The following SLC25A12 variants were observed in gnomAD, a reference collection of about 807,000 sequenced individuals.
The protein encoded by SLC25A12 is solute carrier family 25 member 12, also known as electrogenic aspartate/glutamate antiporter SLC25A12, mitochondrial.
Under a neutral mutation model 83.3 loss-of-function variants are expected in SLC25A12, and 32 were observed. The ratio of observed to expected loss-of-function variants is 0.38; its 90% CI spans 0.29 to 0.52. The LOEUF is 0.52. Ranked by LOEUF, SLC25A12 falls within the 20% of genes least tolerant of loss-of-function variation. The pLI is 0.84. For synonymous variants in SLC25A12, 267 were observed against 291.1 expected (o/e 0.92, Z 0.84); for missense variants, 611 against 835.6 (o/e 0.73, Z 3.31).
intron 4 of SLC25A12, among the ~76,000 whole-genome samples, chr2:171,844,754 CTTTA>C (rs1037035620): frequency 1.1e-4 from 16 of 152,124 alleles, no homozygotes; most frequent in Non-Finnish European, 1.8e-4. Flanking sequence ...CTTAATTTCT[CTTTA>C]TTTAATTTTA....
Position 171,850,707 on chromosome 2 carries a change from C to T in SLC25A12, c.325+5127G>A, listed in dbSNP as rs569338869. ...AACTCCTGACCTCAGGTGATCCTCCCGCCTCGGCCTCCCAAAGTGCTGGGA... is the reference window on the plus strand; with the variant it reads ...AACTCCTGACCTCAGGTGATCCTCCTGCCTCGGCCTCCCAAAGTGCTGGGA... On this transcript the variant is annotated intron_variant, in intron 4 of 17. Coordinates refer to ENST00000422440, the MANE Select transcript of SLC25A12 (RefSeq NM_003705.5). Among the ~76,000 whole-genome samples, 5 of 152,102 alleles carry T rather than the reference C, an allele frequency of 3.3e-5. No individual in the cohort carries two copies. In the East Asian group the frequency reaches 7.8e-4, roughly 24 times the overall value.
At chr2:171,847,915 C>T (rs928713147) in intron 4 of SLC25A12, among the ~76,000 whole-genome samples, 1 of 151,806 alleles carries the variant, frequency 6.6e-6, no homozygotes, top group African/African-American at 2.4e-5. Flanking sequence ...GAGCAGGTAA[C>T]GGTGACAACT....
intron 6 of SLC25A12, among the ~76,000 whole-genome samples, chr2:171,835,564 C>T (rs987330363): frequency 6.6e-6 from 1 of 152,164 alleles, no homozygotes; most frequent in African/African-American, 2.4e-5. Context: ...AGGATGAAGA[C>T]GTAATTTGTT....
chr2:171,793,125 T>C (rs76226280), intron 14 of SLC25A12, among the ~76,000 whole-genome samples: 1 of 147,378 alleles, frequency 6.8e-6, no homozygotes, highest in African/African-American at 2.5e-5. Flanking sequence ...GTTGGTTTGT[T>C]TTTTTTTTTT....
At chr2:171,841,061 C>A (rs1684662238) in intron 5 of SLC25A12, among the ~76,000 whole-genome samples, 1 of 152,032 alleles carries the variant, frequency 6.6e-6, no homozygotes, top group Non-Finnish European at 1.5e-5. Context: ...AATGGTGGAA[C>A]AAGAGGGATT....
At position 171,806,868 on chromosome 2, in the gene SLC25A12, C is replaced by G. The variant is rs910598675; in HGVS notation, c.1305+2738G>C. On this transcript the variant is annotated intron_variant, in intron 13 of 17. Transcript: ENST00000422440. Reference sequence around the variant, plus strand: ...ACCGTACATCGTATCACCACCACTACTCAGGATGATGAAGACTCAGGGTCA... The same window carrying G: ...ACCGTACATCGTATCACCACCACTAGTCAGGATGATGAAGACTCAGGGTCA... 2.0e-5 allele frequency among the ~76,000 whole-genome samples: 3 copies of G among 152,240 alleles called. No homozygotes were observed. The East Asian group carries it at 5.8e-4, about 29-fold the overall frequency.
intron 2 of SLC25A12, among the ~76,000 whole-genome samples, chr2:171,884,336 G>A (rs572464801): frequency 6.0e-5 from 9 of 150,304 alleles, no homozygotes; most frequent in East Asian, 2.0e-4. Flanking sequence ...GATTACAGGC[G>A]CCCGCCACCA....
chr2:171,881,463 GT>G (rs1448761622), intron 2 of SLC25A12, among the ~76,000 whole-genome samples: 12 of 152,100 alleles, frequency 7.9e-5, no homozygotes, highest in Non-Finnish European at 1.8e-4. Context: ...CATATTTTCT[GT>G]GTAAATGTAT....
At position 171,827,302 on chromosome 2, in the gene SLC25A12, C is replaced by CTT. The variant is rs34833030; in HGVS notation, c.846-422_846-421dup. ...GAAAGGAACAAGGGTATGAGGGAGA[C>CTT]TTTTTTTTTTTTTCCAACGATATGT... On this transcript the variant is annotated intron_variant, in intron 8 of 17. Coordinates refer to ENST00000422440, the MANE Select transcript of SLC25A12 (RefSeq NM_003705.5). Among the ~76,000 whole-genome samples, 394 of 147,552 alleles carry CTT rather than the reference C, an allele frequency of 2.7e-3. 2 individuals carry two copies. The highest frequency in any genetic ancestry group is 8.9e-3 in the African/African-American group (356 of 40,178).
intron 10 of SLC25A12, among the ~76,000 whole-genome samples, chr2:171,814,381 C>T (rs768141700): frequency 2.0e-5 from 3 of 151,730 alleles, no homozygotes; most frequent in Non-Finnish European, 4.4e-5. Flanking sequence ...GTTAAGCAAG[C>T]GATAAGGGAA....
Position 171,787,940 on chromosome 2 carries a change from T to C in SLC25A12, c.1593A>G (p.Pro531=). Residue 531 remains proline, a synonymous_variant, in exon 16 of 18, where the codon CCA becomes CCG. Transcript: ENST00000422440. ...CAGCAGGGGTCACCAGAGATGCAGC[T>C]GGGACACCTTTCAGGAGAAAACCAC... is the stretch of plus-strand genomic sequence containing the variant. ...LLAAGAMAGV[P]AASLVTPADV... 3.1e-6 allele frequency: 5 copies of C among 1,614,238 alleles called. No homozygotes were observed. Among genetic ancestry groups the C allele is most frequent in the Non-Finnish European group, 4.2e-6 (5 of 1,180,044 alleles).
intron 3 of SLC25A12, among the ~76,000 whole-genome samples, chr2:171,867,588 G>A (rs1012797569): frequency 1.3e-5 from 2 of 152,198 alleles, no homozygotes. Context: ...TCCAGCTTCG[G>A]CTCGGCATCA....
At chr2:171,892,737 T>C (rs971439585) in intron 2 of SLC25A12, among the ~76,000 whole-genome samples, 1 of 151,628 alleles carries the variant, frequency 6.6e-6, no homozygotes, top group African/African-American at 2.4e-5. Context: ...TCCCCAAGGC[T>C]TAAGGATACA....
At chr2:171,858,655 G>C (rs1105264) in intron 3 of SLC25A12, among the ~76,000 whole-genome samples, 124,017 of 152,160 alleles carry the variant, frequency 0.82, 51,696 homozygotes, top group Middle Eastern at 0.91. Flanking sequence ...ATTAAGAAAT[G>C]ACAAGATTTC....
At chr2:171,846,527 G>C (rs1320080355) in intron 4 of SLC25A12, among the ~76,000 whole-genome samples, 2 of 151,970 alleles carry the variant, frequency 1.3e-5, no homozygotes, top group Non-Finnish European at 2.9e-5. Context: ...AATTTTTTTG[G>C]CTGGGCACAG....
Position 171,813,427 on chromosome 2 carries a change from G to A in SLC25A12, c.1083C>T (p.Gly361=). 6.2e-7 allele frequency: 1 copy of A among 1,614,020 alleles called. No individual in the cohort carries two copies. The highest frequency in any genetic ancestry group is 1.1e-5 in the South Asian group (1 of 91,066). The change falls in exon 11 of 18, where the codon GGC becomes GGT. Residue 361 remains glycine, a synonymous_variant. Coordinates refer to ENST00000422440, the MANE Select transcript of SLC25A12 (RefSeq NM_003705.5). ...KTRMQNQRGS[G]SVVGELMYKN... is the part of the protein sequence containing the mutation. Reference sequence around the variant, plus strand: ...TGTACATTAGCTCCCCAACAACAGAGCCAGAGCCACGCTGGTTTTGCATTC... The same window carrying A: ...TGTACATTAGCTCCCCAACAACAGAACCAGAGCCACGCTGGTTTTGCATTC...
chr2:171,794,191 T>A (rs1186831417), intron 13 of SLC25A12, among the ~76,000 whole-genome samples: 1 of 152,198 alleles, frequency 6.6e-6, no homozygotes, highest in Non-Finnish European at 1.5e-5. Context: ...CTACAATTAT[T>A]TTTTTCCTCT....
At chr2:171,850,954 T>G (rs1366018901) in intron 4 of SLC25A12, among the ~76,000 whole-genome samples, 1 of 152,220 alleles carries the variant, frequency 6.6e-6, no homozygotes, top group Admixed American at 6.5e-5. Flanking sequence ...CATTTTTATT[T>G]GCTATATGTA....
chr2:171,813,601 A>C, intron 10 of SLC25A12, 104 bp from the exon 11 acceptor site: 8 of 1,190,578 alleles, frequency 6.7e-6, no homozygotes, highest in African/African-American at 1.5e-5. Context: ...AAAACACAAC[A>C]TGTATTCTCA....
Sources: gnomAD v4.1 joint callset for allele counts (sites outside exome capture counted in the v4.1 genomes callset) on GRCh38, gnomAD v4.1.1 for gene constraint, MANE v1.5 for transcripts, NCBI Gene and HGNC (gene_info 2026-07-23, HGNC 2026-07-21) for gene names.